Variants in ZHX3 observed in about 807,000 individuals in gnomAD.
The protein encoded by ZHX3 is zinc fingers and homeoboxes protein 3.
A neutral mutation model predicts 64.5 loss-of-function variants in ZHX3; 20 were observed. The observed-to-expected ratio is 0.31, with a 90% CI of 0.22 to 0.45. ZHX3 has a LOEUF of 0.45. Among genes scored for constraint, ZHX3 ranks in the 20% least tolerant of loss-of-function variants. The probability of loss-of-function intolerance (pLI) is 1.00; values close to 1 mark genes in which losing one functional copy is unlikely to be tolerated. For missense variants in ZHX3, 1,041 were observed against 1,195.8 expected (o/e 0.87, Z 1.91); for synonymous variants, 423 against 461.6 (o/e 0.92, Z 1.07).
rs555883542 is a variant in ZHX3 at position 41,302,053 on chromosome 20, C to CAAA, written c.-245+15453_-245+15455dup. 2.9e-3 allele frequency among the ~76,000 whole-genome samples: 179 copies of CAAA among 62,340 alleles called. 8 individuals are homozygous for CAAA. Among genetic ancestry groups the CAAA allele is most frequent in the Middle Eastern group, 0.011 (1 of 94 alleles). The allele number at this position is 62,340 out of a possible 152,430, so 40.9% of individuals were successfully genotyped here. On this transcript the variant is annotated intron_variant, in intron 1 of 3. Coordinates refer to ENST00000683867, the MANE Select transcript of ZHX3 (RefSeq NM_001384317.1). Reference sequence around the variant, plus strand: ...TGGGCGACGGAGCGAGACTCCATCTCAAAAAAAAAAAAAAAAAAAAAAAAA... The same window carrying CAAA: ...TGGGCGACGGAGCGAGACTCCATCTCAAAAAAAAAAAAAAAAAAAAAAAAAAAA...
intron 3 of ZHX3, among the ~76,000 whole-genome samples, chr20:41,192,806 C>T (rs1364860443): frequency 6.6e-6 from 1 of 152,168 alleles, no homozygotes; most frequent in Non-Finnish European, 1.5e-5. Flanking sequence ...GTGCGAGCTC[C>T]GTTCTGGAGC....
Position 41,202,910 on chromosome 20 carries a change from A to C in ZHX3, c.2007T>G (p.Ala669=), listed in dbSNP as rs769200660. 1.2e-6 allele frequency: 2 copies of C among 1,614,000 alleles called. No individual in the cohort carries two copies. Among genetic ancestry groups the C allele is most frequent in the South Asian group, 2.2e-5 (2 of 91,070 alleles). Residue 669 remains alanine (A), a synonymous_variant, in exon 3 of 4, where the codon GCT becomes GCG. Transcript: ENST00000683867. This position sits in a 1 kb window ranked among gnomAD's most constrained non-coding sequence, Gnocchi z 7.0. ...TCTCCTCAGCCTTCTTGGTCTCCTCAGCATTCACTTTTTTCCGTCTCTCTG... is the reference window on the plus strand; with the variant it reads ...TCTCCTCAGCCTTCTTGGTCTCCTCCGCATTCACTTTTTTCCGTCTCTCTG... ...WFSERRKKVN[A]EETKKAEENA...
In ZHX3 at chr20:41,203,678, G is replaced by A. The variant is rs140805732; in HGVS notation, c.1239C>T (p.His413=). Residue 413 remains histidine (H), a synonymous_variant, in exon 3 of 4, where the codon CAC becomes CAT. Coordinates refer to ENST00000683867, the MANE Select transcript of ZHX3 (RefSeq NM_001384317.1). This position sits in a 1 kb window ranked among gnomAD's most constrained non-coding sequence, Gnocchi z 7.1. ...QHLIQAALPG[H]VVGQPEGTGG... ...CTGTACCCTCTGGCTGCCCCACAACGTGACCTGGAAGAGCGGCCTGGATGA... is the reference window on the plus strand; with the variant it reads ...CTGTACCCTCTGGCTGCCCCACAACATGACCTGGAAGAGCGGCCTGGATGA... 3.9e-4 allele frequency: 634 copies of A among 1,614,182 alleles called. 6 individuals carry two copies. The Middle Eastern group carries it at 5.4e-3, about 14-fold the overall frequency.
chr20:41,192,965 TG>T (rs1198034119), intron 3 of ZHX3, among the ~76,000 whole-genome samples: 13 of 152,232 alleles, frequency 8.5e-5, no homozygotes, highest in Non-Finnish European at 1.9e-4. Flanking sequence ...TTCCCCATGC[TG>T]GGGGGTCTCT....
intron 2 of ZHX3, among the ~76,000 whole-genome samples, chr20:41,263,710 T>G (rs532785709): frequency 0.011 from 1,599 of 152,118 alleles, 11 homozygotes; most frequent in Non-Finnish European, 0.017. Flanking sequence ...AGGATTTTTT[T>G]TTAAAAAAGA....
At chr20:41,211,772 G>A (rs2039175554) in intron 2 of ZHX3, among the ~76,000 whole-genome samples, 1 of 152,048 alleles carries the variant, frequency 6.6e-6, no homozygotes, top group African/African-American at 2.4e-5. Flanking sequence ...AACATCTCTG[G>A]GCATACAGGA....
intron 1 of ZHX3, among the ~76,000 whole-genome samples, chr20:41,313,449 A>G (rs1162520332): frequency 6.6e-6 from 1 of 152,190 alleles, no homozygotes; most frequent in Admixed American, 6.5e-5. Flanking sequence ...GCCAGAAAAG[A>G]AAAGAAATAA....
At chr20:41,251,160 G>T (rs2041974127) in intron 2 of ZHX3, among the ~76,000 whole-genome samples, 1 of 150,888 alleles carries the variant, frequency 6.6e-6, no homozygotes, top group African/African-American at 2.4e-5. Context: ...AATATGGGGA[G>T]ATATATATAT....
At position 41,203,457 on chromosome 20, in the gene ZHX3, G is replaced by T. The variant is rs376598109; in HGVS notation, c.1460C>A (p.Thr487Asn). Reference sequence around the variant, plus strand: ...GCTAGCATCAAGGAAGGCTTGGGAGGTTATGCTGGGGCAGGCCGTGAGGAG... The same window carrying T: ...GCTAGCATCAAGGAAGGCTTGGGAGTTTATGCTGGGGCAGGCCGTGAGGAG... The part of the protein sequence containing the change: ...QSLLTACPSI[T>N]SQAFLDASIY... Residue 487 changes from threonine (T) to asparagine (N), a missense_variant, in exon 3 of 4, where the codon ACC (threonine) becomes AAC (asparagine). Coordinates refer to ENST00000683867, the MANE Select transcript of ZHX3 (RefSeq NM_001384317.1). This position sits in a 1 kb window ranked among gnomAD's most constrained non-coding sequence, Gnocchi z 7.1. 1 of 1,614,080 alleles carries T rather than the reference G, an allele frequency of 6.2e-7. No individual in the cohort carries two copies. The highest frequency in any genetic ancestry group is 1.3e-5 in the African/African-American group (1 of 74,936).
At chr20:41,252,119 T>C (rs2042022169) in intron 2 of ZHX3, among the ~76,000 whole-genome samples, 2 of 152,202 alleles carry the variant, frequency 1.3e-5, no homozygotes, top group Non-Finnish European at 2.9e-5. Context: ...ATCTTTCTAC[T>C]GGTGAGTTGG....
At chr20:41,290,898 C>T (rs995055954) in intron 1 of ZHX3, among the ~76,000 whole-genome samples, 6 of 152,182 alleles carry the variant, frequency 3.9e-5, no homozygotes, top group Non-Finnish European at 8.8e-5. Flanking sequence ...GGCCTCCCAA[C>T]CTGGCTCCTT....
Position 41,182,933 on chromosome 20 carries a change from C to G in ZHX3, c.*2258G>C, listed in dbSNP as rs1568772453. The G allele has an allele frequency of 6.6e-6, 1 of 152,202 alleles. No homozygotes were observed. The highest frequency in any genetic ancestry group is 1.5e-5 in the Non-Finnish European group (1 of 68,050). The allele number at this position is 152,202 out of a possible 1,614,324, so 9.4% of individuals were successfully genotyped here. A position where few individuals can be genotyped will look rare whatever the true frequency, so the allele number is the denominator to read the frequency against. On this transcript the variant is annotated 3_prime_UTR_variant, in exon 4 of 4. Transcript: ENST00000683867. This position sits in a 1 kb window ranked among gnomAD's most constrained non-coding sequence, Gnocchi z 6.1. ...AACCAAGAAAATCCTCTCCACAGAC[C>G]AACTCTTCAGCCAGTGCATGCAGGG...
Position 41,205,503 on chromosome 20 carries a change from C to T in ZHX3, c.-150-437G>A, listed in dbSNP as rs115191939. 2.0e-3 allele frequency among the ~76,000 whole-genome samples: 307 copies of T among 150,496 alleles called. 3 individuals are homozygous for T. Among genetic ancestry groups the T allele is most frequent in the African/African-American group, 6.4e-3 (264 of 41,070 alleles). ...CTTCCCGCATATGAGAACAAGATGA[C>T]GCCTCTGTCTGTCCCAAGCCAGGCC... On this transcript the variant is annotated intron_variant, in intron 2 of 3. Transcript: ENST00000683867.
chr20:41,247,774 G>A (rs1018706063), intron 2 of ZHX3, among the ~76,000 whole-genome samples: 1 of 152,104 alleles, frequency 6.6e-6, no homozygotes, highest in Non-Finnish European at 1.5e-5. Context: ...TGCCTTTCTA[G>A]AGCACATATC....
At position 41,180,251 on chromosome 20, in the gene ZHX3, G is replaced by A. The variant is rs1464856328; in HGVS notation, c.*4940C>T. On this transcript the variant is annotated 3_prime_UTR_variant, in exon 4 of 4. Coordinates refer to ENST00000683867, the MANE Select transcript of ZHX3 (RefSeq NM_001384317.1). ...CGAAAGCCAAATTCTCAGGGCTGTGGAAGCTTTGGACCAGCAACAACAAGC... is the reference window on the plus strand; with the variant it reads ...CGAAAGCCAAATTCTCAGGGCTGTGAAAGCTTTGGACCAGCAACAACAAGC... 1 of 152,732 alleles carries A rather than the reference G, an allele frequency of 6.5e-6. No individual in the cohort carries two copies. Among genetic ancestry groups the A allele is most frequent in the Non-Finnish European group, 1.5e-5 (1 of 68,078 alleles). 9.5% of individuals were successfully genotyped at this position (152,732 alleles called of 1,614,324 possible).
intron 3 of ZHX3, among the ~76,000 whole-genome samples, chr20:41,189,660 T>C (rs540655587): frequency 1.3e-5 from 2 of 152,352 alleles, no homozygotes; most frequent in East Asian, 3.9e-4. Context: ...GTATAGAAAC[T>C]CTGATTTTTG....
chr20:41,269,552 G>T (rs2043024119), intron 1 of ZHX3: 1 of 145,782 alleles, frequency 6.9e-6, no homozygotes, highest in Admixed American at 6.9e-5. Context: ...CTCTGTCTCT[G>T]ACCATTATTA....
intron 2 of ZHX3, among the ~76,000 whole-genome samples, chr20:41,247,380 G>A (rs1376160385): frequency 3.9e-5 from 6 of 152,156 alleles, no homozygotes; most frequent in Admixed American, 3.9e-4. Flanking sequence ...TCTGGACTCA[G>A]CTACTTCCTA....
At chr20:41,307,284 C>A (rs1327383073) in intron 1 of ZHX3, among the ~76,000 whole-genome samples, 1 of 152,146 alleles carries the variant, frequency 6.6e-6, no homozygotes, top group Non-Finnish European at 1.5e-5. Context: ...GACAACCACC[C>A]CAGAGAAAGA....
Sources: allele counts gnomAD v4.1 joint callset (sites outside exome capture counted in the v4.1 genomes callset), GRCh38; gene constraint gnomAD v4.1.1; non-coding constraint Gnocchi (gnomAD v3.1); transcripts MANE v1.5; gene names NCBI Gene and HGNC (gene_info 2026-07-23, HGNC 2026-07-21).